Variants in CACNB2 observed in about 807,000 individuals in gnomAD.
The protein encoded by CACNB2 is calcium voltage-gated channel auxiliary subunit beta 2, also known as voltage-dependent L-type calcium channel subunit beta-2.
Under a neutral mutation model 73.3 loss-of-function variants are expected in CACNB2, and 42 were observed. That is an observed-to-expected ratio of 0.57 (90% CI 0.45 to 0.74). The LOEUF (loss-of-function observed/expected upper bound fraction) is 0.74, where lower values mean the gene tolerates loss of function less well. Among genes scored for constraint, CACNB2 ranks in the 30% least tolerant of loss-of-function variants. The pLI, the probability that CACNB2 is intolerant of heterozygous loss-of-function variation, is 0.00. For synonymous variants in CACNB2, 348 were observed against 310.3 expected (o/e 1.12, Z -1.28); for missense variants, 940 against 853.0 (o/e 1.10, Z -1.27).
intron 2 of CACNB2, among the ~76,000 whole-genome samples, chr10:18,369,900 C>CT (rs2042507576): frequency 6.6e-6 from 1 of 152,200 alleles, no homozygotes; most frequent in South Asian, 2.1e-4. Flanking sequence ...GAGCAAGACT[C>CT]TGTCTCAAAA....
intron 7 of CACNB2, among the ~76,000 whole-genome samples, chr10:18,516,012 G>C (rs1361995260): frequency 6.6e-6 from 1 of 152,056 alleles, no homozygotes; most frequent in African/African-American, 2.4e-5. Flanking sequence ...CAGGAGTTTT[G>C]AGACCAGCCT....
At position 18,275,132 on chromosome 10, in the gene CACNB2, C is replaced by T. The variant is rs566869969; in HGVS notation, c.213+124157C>T. Reference sequence around the variant, plus strand: ...CATTTTATGCAGTCAGTCAGTCAACCGGGATTTCACTCTGACAGCTGTGCT... The same window carrying T: ...CATTTTATGCAGTCAGTCAGTCAACTGGGATTTCACTCTGACAGCTGTGCT... On this transcript the variant is annotated intron_variant, in intron 2 of 13. Coordinates refer to ENST00000324631, the MANE Select transcript of CACNB2 (RefSeq NM_201596.3). Among the ~76,000 whole-genome samples, 7 of 152,248 alleles carry T rather than the reference C, an allele frequency of 4.6e-5. No homozygotes were observed. The South Asian group carries it at 1.2e-3, about 27-fold the overall frequency.
At chr10:18,187,585 C>A (rs1275234109) in intron 2 of CACNB2, among the ~76,000 whole-genome samples, 1 of 150,666 alleles carries the variant, frequency 6.6e-6, no homozygotes, top group African/African-American at 2.4e-5. Context: ...TTATATTTTT[C>A]TTTTTTTTTA....
At chr10:18,287,976 G>A (rs78183914) in intron 2 of CACNB2, among the ~76,000 whole-genome samples, 1 of 152,176 alleles carries the variant, frequency 6.6e-6, no homozygotes, top group Non-Finnish European at 1.5e-5. Flanking sequence ...GCAATGCTCA[G>A]CTCCTAGCTG....
At chr10:18,357,445 T>C (rs1750479) in intron 2 of CACNB2, among the ~76,000 whole-genome samples, 104,995 of 152,020 alleles carry the variant, frequency 0.69, 36,698 homozygotes, top group Admixed American at 0.75. Flanking sequence ...CACTAGAAAA[T>C]GTGAGGAAGC....
chr10:18,317,745 C>T (rs2040247946), intron 2 of CACNB2, among the ~76,000 whole-genome samples: 1 of 152,132 alleles, frequency 6.6e-6, no homozygotes. Context: ...AAGGAACATC[C>T]ATTCTTTCTT....
chr10:18,534,635 C>T (rs765609203), intron 11 of CACNB2, among the ~76,000 whole-genome samples: 10 of 152,156 alleles, frequency 6.6e-5, no homozygotes, highest in African/African-American at 9.7e-5. Flanking sequence ...ACCATGCTTT[C>T]GCAGTTTGAG....
In CACNB2 at chr10:18,341,070, A is replaced by G. The variant is rs547845807; in HGVS notation, c.214-60854A>G. The G allele has an allele frequency of 2.3e-6, 3 of 1,308,546 alleles. No homozygotes were observed. The Admixed American group carries it at 5.1e-5, about 22-fold the overall frequency. 81.1% of individuals were successfully genotyped at this position (1,308,546 alleles called of 1,614,324 possible). On this transcript the variant is annotated intron_variant, in intron 2 of 13. Coordinates refer to ENST00000324631, the MANE Select transcript of CACNB2 (RefSeq NM_201596.3). ...CTGTTGCCGAGCTTGAGCTAAAATC[A>G]TACTAGTTACTTAACTTTTTAGACT...
At chr10:18,320,052 G>A (rs1724538795) in intron 2 of CACNB2, among the ~76,000 whole-genome samples, 1 of 152,062 alleles carries the variant, frequency 6.6e-6, no homozygotes. Flanking sequence ...ATTCCACCGA[G>A]TATCACCTTC....
intron 2 of CACNB2, chr10:18,400,816 T>C: frequency 6.9e-7 from 1 of 1,442,032 alleles, no homozygotes; most frequent in South Asian, 1.5e-5. Context: ...CTCGAGTGTG[T>C]GTTTTCAGCC....
chr10:18,228,075 A>G (rs1330697842), intron 2 of CACNB2, among the ~76,000 whole-genome samples: 1 of 152,148 alleles, frequency 6.6e-6, no homozygotes, highest in Non-Finnish European at 1.5e-5. Context: ...TTGGTGTACA[A>G]ATGAAAACCT....
rs532262049 is a variant in CACNB2 at position 18,539,258 on chromosome 10, G to A, written c.1517G>A (p.Arg506His). Reference protein sequence around the residue: ...QGSQGDQRTDRSAPIRSASQA... With the variant: ...QGSQGDQRTDHSAPIRSASQA... ...TCTCAAGGTGATCAGAGGACTGATCGCTCCGCTCCTATCCGTTCTGCTTCC... is the reference window on the plus strand; with the variant it reads ...TCTCAAGGTGATCAGAGGACTGATCACTCCGCTCCTATCCGTTCTGCTTCC... Residue 506 changes from arginine (R) to histidine (H), a missense_variant, in exon 14 of 14, where the codon CGC (arginine) becomes CAC (histidine). By Grantham distance (29) the Arg-to-His change is conservative. Coordinates refer to ENST00000324631, the MANE Select transcript of CACNB2 (RefSeq NM_201596.3). The A allele has an allele frequency of 2.7e-5, 44 of 1,613,860 alleles. No homozygotes were observed. The highest frequency in any genetic ancestry group is 8.8e-5 in the South Asian group (8 of 91,068).
intron 5 of CACNB2, among the ~76,000 whole-genome samples, chr10:18,503,910 T>C (rs2050346777): frequency 6.6e-6 from 1 of 152,198 alleles, no homozygotes; most frequent in Admixed American, 6.5e-5. Context: ...AAGTATAGTA[T>C]TTACTAAAAT....
intron 3 of CACNB2, among the ~76,000 whole-genome samples, chr10:18,476,791 T>C (rs2048463126): frequency 1.3e-5 from 2 of 152,098 alleles, no homozygotes; most frequent in Admixed American, 1.3e-4. Context: ...GGCAGCCCAA[T>C]CACTTGAGGT....
intron 9 of CACNB2, among the ~76,000 whole-genome samples, chr10:18,527,058 T>C (rs1324559390): frequency 6.6e-6 from 1 of 152,208 alleles, no homozygotes; most frequent in African/African-American, 2.4e-5. Flanking sequence ...CTGACACTTG[T>C]AAGCAACAAG....
At chr10:18,244,007 A>C (rs1322485004) in intron 2 of CACNB2, among the ~76,000 whole-genome samples, 1 of 152,200 alleles carries the variant, frequency 6.6e-6, no homozygotes, top group Admixed American at 6.5e-5. Flanking sequence ...TCCATCGTGC[A>C]ACTGAGCTAC....
At chr10:18,309,317 C>G (rs1291933340) in intron 2 of CACNB2, among the ~76,000 whole-genome samples, 1 of 152,102 alleles carries the variant, frequency 6.6e-6, no homozygotes, top group Admixed American at 6.6e-5. Flanking sequence ...CACCAGACTG[C>G]CAAGAATTTT....
chr10:18,236,778 G>T (rs1346739607), intron 2 of CACNB2, among the ~76,000 whole-genome samples: 1 of 152,142 alleles, frequency 6.6e-6, no homozygotes, highest in Non-Finnish European at 1.5e-5. Flanking sequence ...GCTTGCATCA[G>T]TGATCCAAGT....
In CACNB2 at chr10:18,538,444, C is replaced by T. The variant is rs2053822435; in HGVS notation, c.1488+79C>T. On this transcript the variant is annotated intron_variant, in intron 13 of 13. Coordinates refer to ENST00000324631, the MANE Select transcript of CACNB2 (RefSeq NM_201596.3). ...TGCCTATGGTGACACCTCTAGGATC[C>T]AAGCCCAGTAGCCTGCTTGGGGCTT... 8 of 1,272,358 alleles carry T rather than the reference C, an allele frequency of 6.3e-6. No individual in the cohort carries two copies. In the Admixed American group the frequency reaches 8.5e-5, roughly 14 times the overall value. The allele number at this position is 1,272,358 out of a possible 1,614,324, so 78.8% of individuals were successfully genotyped here. A position where few individuals can be genotyped will look rare whatever the true frequency, so the allele number is the denominator to read the frequency against.
Sources: gnomAD v4.1 joint callset for allele counts (sites outside exome capture counted in the v4.1 genomes callset) on GRCh38, gnomAD v4.1.1 for gene constraint, MANE v1.5 for transcripts, NCBI Gene and HGNC (gene_info 2026-07-23, HGNC 2026-07-21) for gene names.